CNBD2: variants seen among roughly 807,000 people sequenced by gnomAD.
CNBD2 encodes cyclic nucleotide-binding domain-containing protein 2.
CNBD2 carries 64 observed loss-of-function variants against 63.7 expected under a neutral mutation model. The ratio of observed to expected loss-of-function variants is 1.00; its 90% confidence interval spans 0.82 to 1.24. CNBD2 has a LOEUF of 1.24. Among genes scored for constraint, CNBD2 ranks in the 50% most tolerant of loss-of-function variants. CNBD2 has a pLI of 0.00. For synonymous variants in CNBD2, 229 were observed against 255.4 expected (o/e 0.90, Z 0.99); for missense variants, 691 against 713.5 (o/e 0.97, Z 0.36).
At position 36,030,444 on chromosome 20, in the gene CNBD2, C is replaced by T. The variant is rs1198442721; in HGVS notation, c.1527C>T (p.Cys509=). 8 of 1,614,004 alleles carry T rather than the reference C, an allele frequency of 5.0e-6. No homozygotes were observed. The highest frequency in any genetic ancestry group is 1.3e-5 in the African/African-American group (1 of 74,906). The change falls in exon 12 of 12, where the codon TGC becomes TGT. Residue 509 remains cysteine, a synonymous_variant. Coordinates refer to ENST00000373973, the MANE Select transcript of CNBD2 (RefSeq NM_001365709.1). The part of the protein sequence containing the change: ...KDLLQLLVEP[C]QSQLFTPNRP... The stretch of plus-strand genomic sequence containing the variant: ...TGTTGCAGCTGCTCGTGGAGCCTTG[C>T]CAAAGTCAACTGTTCACTCCAAACC...
At chr20:35,972,581 G>T in intron 1 of CNBD2, 48 bp from the exon 2 acceptor site, 1 of 1,600,240 alleles carries the variant, frequency 6.2e-7, no homozygotes, top group Non-Finnish European at 8.6e-7. Context: ...GCTGTTGACT[G>T]TTGAGAACAG....
chr20:35,972,936 A>C, intron 2 of CNBD2, 170 bp downstream of exon 2: 2 of 643,476 alleles, frequency 3.1e-6, no homozygotes, highest in Admixed American at 2.9e-5. Context: ...AGGGTGACTT[A>C]CATCATCAAC....
Position 36,011,221 on chromosome 20 carries a change from C to T in CNBD2, c.1233C>T (p.Tyr411=), listed in dbSNP as rs1268483563. The part of the protein sequence containing the change: ...ELPKEAAVGA[Y]VKVHTVEQGE... Reference sequence around the variant, plus strand: ...CCAAGGAGGCTGCAGTGGGGGCCTACGTGAAGGTGCACACTGTGGAGCAGG... The same window carrying T: ...CCAAGGAGGCTGCAGTGGGGGCCTATGTGAAGGTGCACACTGTGGAGCAGG... Residue 411 remains tyrosine (Y), a synonymous_variant, in exon 10 of 12, where the codon TAC becomes TAT. Transcript: ENST00000373973. 1.3e-5 allele frequency: 21 copies of T among 1,592,650 alleles called. No homozygotes were observed. Among genetic ancestry groups the T allele is most frequent in the Admixed American group, 5.2e-5 (3 of 57,518 alleles).
rs539227159 is a variant in CNBD2 at position 36,028,771 on chromosome 20, G to A, written c.1440-1586G>A. Among the ~76,000 whole-genome samples the A allele has an allele frequency of 1.1e-4, 16 of 151,182 alleles. No individual in the cohort carries two copies. In the South Asian group the frequency reaches 3.4e-3, roughly 32 times the overall value. On this transcript the variant is annotated intron_variant, in intron 11 of 11. Coordinates refer to ENST00000373973, the MANE Select transcript of CNBD2 (RefSeq NM_001365709.1). ...GGTCACTGCAATGTCCCCCCACTGG[G>A]TTCAAGTGATTCTTGTGGCTCAGCC...
At chr20:35,967,239 CTTTTTTTTTTTTTTTT>C (rs141881380), upstream of CNBD2, among the ~76,000 whole-genome samples, 1 of 86,992 alleles carries the variant, frequency 1.1e-5, no homozygotes, top group African/African-American at 5.1e-5. Flanking sequence ...CCCCCTCCCG[CTTTTTTTTTTTTTTTT>C]TTTTTTTTTT....
At chr20:35,982,589 T>C (rs1331674040) in intron 4 of CNBD2, among the ~76,000 whole-genome samples, 1 of 152,218 alleles carries the variant, frequency 6.6e-6, no homozygotes, top group Non-Finnish European at 1.5e-5. Flanking sequence ...CTGACCTTCC[T>C]AAGCTTGGAT....
chr20:36,008,739 G>A lies in CNBD2; in HGVS notation c.1148+265G>A, dbSNP rs541982246. On this transcript the variant is annotated intron_variant, in intron 9 of 11. Coordinates refer to ENST00000373973, the MANE Select transcript of CNBD2 (RefSeq NM_001365709.1). ...CTCAGTAACCCATTTAAGGAAGAAG[G>A]GGCTGGACATATCTTCTGGCTCTGA... Among the ~76,000 whole-genome samples, 8 of 152,120 alleles carry A rather than the reference G, an allele frequency of 5.3e-5. 1 individual carries two copies. Among genetic ancestry groups the A allele is most frequent in the Non-Finnish European group, 1.2e-4 (8 of 68,036 alleles).
upstream of CNBD2, chr20:35,954,444 T>C: frequency 6.5e-7 from 1 of 1,549,396 alleles, no homozygotes; most frequent in Non-Finnish European, 8.7e-7. Flanking sequence ...TGTGCGGAGC[T>C]TACCTGCACC....
intron 2 of CNBD2, chr20:35,972,999 G>A: frequency 1.8e-6 from 1 of 546,396 alleles, no homozygotes; most frequent in Non-Finnish European, 3.2e-6. Flanking sequence ...TACATGCCTA[G>A]CCACAGGCAA....
In CNBD2 at chr20:35,968,654, C is replaced by T. The variant is rs1272299531; in HGVS notation, c.-109C>T. On this transcript the variant is annotated 5_prime_UTR_variant, in exon 1 of 12. Coordinates refer to ENST00000373973, the MANE Select transcript of CNBD2 (RefSeq NM_001365709.1). The stretch of plus-strand genomic sequence containing the variant: ...GTGGAGTGGAGCTCTTGCCTTGTTA[C>T]TGAGGAAATCTATTTGTTTCTAGTA... The T allele has an allele frequency of 1.7e-5, 13 of 760,956 alleles. No homozygotes were observed. Among genetic ancestry groups the T allele is most frequent in the Non-Finnish European group, 2.2e-5 (10 of 450,866 alleles). The allele number at this position is 760,956 out of a possible 1,614,324, so 47.1% of individuals were successfully genotyped here.
At chr20:35,966,897 C>T (rs1031272445), upstream of CNBD2, among the ~76,000 whole-genome samples, 3 of 152,172 alleles carry the variant, frequency 2.0e-5, no homozygotes, top group Non-Finnish European at 4.4e-5. Flanking sequence ...TCCCCACTTC[C>T]TACTTAGCTG....
chr20:35,975,113 T>G (rs1382562772), intron 2 of CNBD2, among the ~76,000 whole-genome samples: 3 of 139,000 alleles, frequency 2.2e-5, no homozygotes, highest in South Asian at 4.9e-4. Context: ...GCCATTCTCC[T>G]GCCTCAGCCT....
downstream of CNBD2, among the ~76,000 whole-genome samples, chr20:35,958,004 A>G (rs930524488): frequency 3.3e-5 from 5 of 152,366 alleles, no homozygotes; most frequent in Admixed American, 2.6e-4. Context: ...CAGAGCTCTC[A>G]TATGAGTCCC....
upstream of CNBD2, chr20:35,968,584 T>C (rs376195520): frequency 1.9e-6 from 1 of 530,604 alleles, no homozygotes. Context: ...GAGAATGATT[T>C]TTCTCAGAGC....
At chr20:36,003,348 T>C (rs951314822) in intron 8 of CNBD2, among the ~76,000 whole-genome samples, 2 of 152,148 alleles carry the variant, frequency 1.3e-5, no homozygotes, top group African/African-American at 2.4e-5. Context: ...TGCTAGAAAA[T>C]GTGAATTTTG....
At chr20:35,986,946 C>T (rs2056675494) in intron 6 of CNBD2, among the ~76,000 whole-genome samples, 1 of 152,160 alleles carries the variant, frequency 6.6e-6, no homozygotes, top group Admixed American at 6.5e-5. Context: ...AGCCAACAGG[C>T]CAGGGGGACA....
At chr20:36,026,961 A>G (rs2057289603) in intron 11 of CNBD2, among the ~76,000 whole-genome samples, 1 of 152,240 alleles carries the variant, frequency 6.6e-6, no homozygotes, top group Non-Finnish European at 1.5e-5. Context: ...AGTGCCCAGC[A>G]TGCAGAAGGT....
At chr20:36,002,791 A>C (rs2056932351) in intron 8 of CNBD2, among the ~76,000 whole-genome samples, 1 of 152,058 alleles carries the variant, frequency 6.6e-6, no homozygotes, top group Non-Finnish European at 1.5e-5. Flanking sequence ...TTGTATTTTT[A>C]AAATCTGATT....
chr20:36,026,737 T>G (rs566835060), intron 11 of CNBD2, among the ~76,000 whole-genome samples: 1 of 152,316 alleles, frequency 6.6e-6, no homozygotes, highest in African/African-American at 2.4e-5. Context: ...TCTCTAAGAT[T>G]CATCTTCTGC....
Sources: gnomAD v4.1 joint callset for allele counts (sites outside exome capture counted in the v4.1 genomes callset) on GRCh38, gnomAD v4.1.1 for gene constraint, MANE v1.5 for transcripts, NCBI Gene and HGNC (gene_info 2026-07-23, HGNC 2026-07-21) for gene names.